TDRD12: variants seen among roughly 807,000 people sequenced by gnomAD.
TDRD12 encodes the protein tudor domain containing 12.
A neutral mutation model predicts 133.5 loss-of-function variants in TDRD12; 158 were observed. The ratio of observed to expected loss-of-function variants is 1.18; its 90% confidence interval spans 1.04 to 1.35. The LOEUF (loss-of-function observed/expected upper bound fraction) is 1.35, where lower values mean the gene tolerates loss of function less well. Ranked by LOEUF, TDRD12 falls within the 40% of genes most tolerant of loss-of-function variation. The pLI, the probability that TDRD12 is intolerant of heterozygous loss-of-function variation, is 0.00. For synonymous variants in TDRD12, 460 were observed against 477.9 expected (o/e 0.96, Z 0.49); for missense variants, 1,443 against 1,321.3 (o/e 1.09, Z -1.43).
intron 8 of TDRD12, 100 bp downstream of exon 8, chr19:32,757,230 C>A: frequency 1.0e-6 from 1 of 960,668 alleles, no homozygotes; most frequent in Non-Finnish European, 1.6e-6. Context: ...CATGGTAATT[C>A]TTTCTCTTTT....
chr19:32,776,890 T>G (rs1970598867), intron 10 of TDRD12, among the ~76,000 whole-genome samples: 1 of 152,162 alleles, frequency 6.6e-6, no homozygotes, highest in South Asian at 2.1e-4. Context: ...GGGTTCACAA[T>G]TTTTCATTTT....
chr19:32,748,263 G>A (rs1969714418), intron 4 of TDRD12, among the ~76,000 whole-genome samples: 1 of 152,190 alleles, frequency 6.6e-6, no homozygotes, highest in African/African-American at 2.4e-5. Context: ...CTATGAGTCT[G>A]CACCGGTGCA....
intron 2 of TDRD12, 121 bp from the exon 3 acceptor site, chr19:32,738,735 C>T (rs770071489): frequency 2.8e-6 from 3 of 1,083,266 alleles, no homozygotes; most frequent in Non-Finnish European, 2.6e-6. Context: ...ATTGCTTGAA[C>T]CTGGGAGGTG....
chr19:32,773,575 G>A (rs1416877640), intron 10 of TDRD12, 43 bp downstream of exon 10: 2 of 1,523,292 alleles, frequency 1.3e-6, no homozygotes, highest in Non-Finnish European at 8.9e-7. Flanking sequence ...GCGCCTGCCT[G>A]TAGTCCCAGC....
intron 8 of TDRD12, among the ~76,000 whole-genome samples, chr19:32,769,439 T>C (rs78751169): frequency 1.9e-3 from 293 of 152,308 alleles, no homozygotes; most frequent in African/African-American, 6.7e-3. Flanking sequence ...TGCCAGGTGC[T>C]GTGGGTCCTG....
In TDRD12 at chr19:32,744,501, A is replaced by AAT. The variant is rs1303263882; in HGVS notation, c.440+1602_440+1603insTA. On this transcript the variant is annotated intron_variant, in intron 4 of 27. Coordinates refer to ENST00000444215, the Ensembl canonical transcript of TDRD12. ...GGTGACAGAGTGAGACTCCGTCTCA[A>AAT]AAAAAAAAAAAAAAAAAAAAAAACA... Among the ~76,000 whole-genome samples, 882 of 136,392 alleles carry AAT rather than the reference A, an allele frequency of 6.5e-3. 18 individuals carry two copies. The highest frequency in any genetic ancestry group is 0.025 in the African/African-American group (860 of 35,036). The allele number at this position is 136,392 out of a possible 152,430, so 89.5% of individuals were successfully genotyped here.
rs1966994632 is a variant in TDRD12 at position 32,811,265 on chromosome 19, CTT to C, written c.2894_2895del (p.Leu965ArgfsTer6). Reference sequence around the variant, plus strand: ...AGACGCCTGGGCCCTGGATGACATCCTTGTAGAGTTCATCGATGAAGGCAGGA... The same window carrying C: ...AGACGCCTGGGCCCTGGATGACATCCGTAGAGTTCATCGATGAAGGCAGGA... On this transcript the variant is annotated frameshift_variant, in exon 24 of 28. Coordinates refer to ENST00000444215, the Ensembl canonical transcript of TDRD12. LOFTEE classifies it high-confidence loss of function. 2.0e-6 allele frequency: 3 copies of C among 1,535,998 alleles called. No individual in the cohort carries two copies. In the South Asian group the frequency reaches 3.6e-5, roughly 18 times the overall value.
exon 10 of TDRD12, chr19:32,828,007 A>C (rs965776722): frequency 2.0e-5 from 3 of 152,194 alleles, no homozygotes; most frequent in Non-Finnish European, 4.4e-5. Flanking sequence ...TGAGGTTTCT[A>C]ATGTACACAC....
At chr19:32,741,392 A>G (rs1457596243) in intron 3 of TDRD12, among the ~76,000 whole-genome samples, 2 of 152,198 alleles carry the variant, frequency 1.3e-5, no homozygotes, top group African/African-American at 2.4e-5. Context: ...AGAGGTGTCT[A>G]TTGAATAGAA....
intron 4 of TDRD12, among the ~76,000 whole-genome samples, chr19:32,746,999 A>C (rs956899462): frequency 7.8e-6 from 1 of 128,042 alleles, no homozygotes; most frequent in Non-Finnish European, 1.6e-5. Flanking sequence ...AGGAGGGGAG[A>C]GACTGGCTGA....
intron 21 of TDRD12, among the ~76,000 whole-genome samples, chr19:32,806,158 T>A (rs888914563): frequency 1.3e-5 from 2 of 152,190 alleles, no homozygotes; most frequent in African/African-American, 2.4e-5. Flanking sequence ...GGGGCTTCTC[T>A]GCCTGATCCA....
At chr19:32,742,534 A>T (rs924413450) in intron 3 of TDRD12, among the ~76,000 whole-genome samples, 1 of 152,138 alleles carries the variant, frequency 6.6e-6, no homozygotes, top group East Asian at 1.9e-4. Flanking sequence ...CTGATACACT[A>T]TCTATGTGCC....
Position 32,796,525 on chromosome 19 carries a change from C to T in TDRD12, c.1474-1210C>T, listed in dbSNP as rs370710444. Among the ~76,000 whole-genome samples the T allele has an allele frequency of 4.6e-5, 7 of 150,794 alleles. No individual in the cohort carries two copies. The South Asian group carries it at 1.0e-3, about 23-fold the overall frequency. On this transcript the variant is annotated intron_variant, in intron 14 of 27. Coordinates refer to ENST00000444215, the Ensembl canonical transcript of TDRD12. ...GCTTGAACCTGGGAGGCGGAGGTTG[C>T]GGTGAGGCAAGATCGCACCATTGCA...
intron 16 of TDRD12, among the ~76,000 whole-genome samples, chr19:32,799,429 G>A (rs1971322275): frequency 6.6e-6 from 1 of 152,182 alleles, no homozygotes; most frequent in Admixed American, 6.5e-5. Flanking sequence ...CTGGCCAACA[G>A]TGGGATCTTG....
intron 2 of TDRD12, among the ~76,000 whole-genome samples, chr19:32,737,711 A>G (rs1330803330): frequency 2.0e-5 from 3 of 152,130 alleles, no homozygotes; most frequent in Non-Finnish European, 4.4e-5. Flanking sequence ...GTTTTTGAAG[A>G]CTTAGTATAT....
At chr19:32,720,174 C>A (rs1187555495) in intron 1 of TDRD12, 78 bp downstream of exon 1, 47 of 1,476,324 alleles carry the variant, frequency 3.2e-5, no homozygotes, top group Non-Finnish European at 4.0e-5. Context: ...AGCCTCCCAC[C>A]CCCACCCCAG....
In TDRD12 at chr19:32,797,730, C is replaced by T. The variant is rs545599965; in HGVS notation, c.1474-5C>T. 2.3e-5 allele frequency: 15 copies of T among 665,712 alleles called. No individual in the cohort carries two copies. The highest frequency in any genetic ancestry group is 1.4e-4 in the East Asian group (5 of 36,796). The allele number at this position is 665,712 out of a possible 1,614,324, so 41.2% of individuals were successfully genotyped here. A position where few individuals can be genotyped will look rare whatever the true frequency, so the allele number is the denominator to read the frequency against. ...GGAGTCATTTGAATTTGTCTGTCTTCGCAGCCTCTCGCAGTCATCGTGTGC... is the reference window on the plus strand; with the variant it reads ...GGAGTCATTTGAATTTGTCTGTCTTTGCAGCCTCTCGCAGTCATCGTGTGC... On this transcript the variant is annotated splice_region_variant and splice_polypyrimidine_tract_variant and intron_variant, in intron 14 of 27. Coordinates refer to ENST00000444215, the Ensembl canonical transcript of TDRD12.
At chr19:32,722,407 A>G (rs555909605) in intron 1 of TDRD12, among the ~76,000 whole-genome samples, 54 of 152,104 alleles carry the variant, frequency 3.6e-4, no homozygotes, top group Non-Finnish European at 2.2e-4. Flanking sequence ...CTGGCCCTCA[A>G]CCAGCTCACC....
chr19:32,760,762 A>G (rs1393127466), intron 8 of TDRD12, among the ~76,000 whole-genome samples: 1 of 152,200 alleles, frequency 6.6e-6, no homozygotes, highest in Non-Finnish European at 1.5e-5. Flanking sequence ...GTGCTTTTCT[A>G]GGGATTCTTA....
Sources: gnomAD v4.1 joint callset for allele counts (sites outside exome capture counted in the v4.1 genomes callset) on GRCh38, gnomAD v4.1.1 for gene constraint, MANE v1.5 for transcripts, NCBI Gene and HGNC (gene_info 2026-07-23, HGNC 2026-07-21) for gene names.